PRLR: variants seen among roughly 807,000 people sequenced by gnomAD.
PRLR encodes the protein hPRL receptor.
In PRLR, 13 loss-of-function variants were observed where a neutral mutation model predicts 40.2. The ratio of observed to expected loss-of-function variants is 0.32; its 90% CI spans 0.21 to 0.51. PRLR has a LOEUF of 0.51. Among genes scored for constraint, PRLR ranks in the 20% least tolerant of loss-of-function variants. The pLI is 0.97. For missense variants in PRLR, 656 were observed against 747.3 expected (o/e 0.88, Z 1.42); for synonymous variants, 269 against 278.7 (o/e 0.97, Z 0.35).
chr5:35,153,611 G>A, intron 1 of PRLR, among the ~76,000 whole-genome samples: 1 of 152,198 alleles, frequency 6.6e-6, no homozygotes, highest in Admixed American at 6.6e-5. Flanking sequence ...CACAGCTAGT[G>A]TTGCATTCTA....
intron 1 of PRLR, among the ~76,000 whole-genome samples, chr5:35,129,836 C>T (rs1202271004): frequency 5.3e-5 from 8 of 152,072 alleles, no homozygotes; most frequent in African/African-American, 1.9e-4. Flanking sequence ...ATTCTGCAAA[C>T]ATGCTTTCTC....
chr5:35,228,807 A>T (rs1172987351), intron 1 of PRLR, among the ~76,000 whole-genome samples: 1 of 152,010 alleles, frequency 6.6e-6, no homozygotes, highest in African/African-American at 2.4e-5. Flanking sequence ...AAGGCTGTGG[A>T]TTACTCCCAC....
intron 1 of PRLR, among the ~76,000 whole-genome samples, chr5:35,131,132 A>T (rs981204248): frequency 1.3e-5 from 2 of 152,194 alleles, no homozygotes; most frequent in African/African-American, 2.4e-5. Flanking sequence ...TTTATATGTG[A>T]GTCAGCTGGA....
At chr5:35,164,729 A>G (rs936473713) in intron 1 of PRLR, among the ~76,000 whole-genome samples, 1 of 152,184 alleles carries the variant, frequency 6.6e-6, no homozygotes, top group African/African-American at 2.4e-5. Flanking sequence ...AAATGGAGAG[A>G]GACAATGGAA....
chr5:35,154,389 A>C (rs574128014), intron 1 of PRLR, among the ~76,000 whole-genome samples: 24 of 152,352 alleles, frequency 1.6e-4, no homozygotes, highest in African/African-American at 5.8e-4. Context: ...GTAGTTATTT[A>C]GTATCACACT....
At position 35,096,378 on chromosome 5, in the gene PRLR, G is replaced by A. The variant is rs78290910; in HGVS notation, c.-43-6715C>T. On this transcript the variant is annotated intron_variant, in intron 2 of 9. Coordinates refer to ENST00000618457, the MANE Select transcript of PRLR (RefSeq NM_000949.7). The stretch of plus-strand genomic sequence containing the variant: ...GGCTTAAAGGCAAGAATAGGAATTG[G>A]ATGAGTTTCAATTTCCCCCAGCCAG... Among the ~76,000 whole-genome samples the A allele has an allele frequency of 9.2e-5, 14 of 152,248 alleles. No homozygotes were observed. The East Asian group carries it at 2.7e-3, about 29-fold the overall frequency.
intron 1 of PRLR, among the ~76,000 whole-genome samples, chr5:35,146,749 T>C (rs1405983755): frequency 2.0e-5 from 3 of 152,202 alleles, no homozygotes; most frequent in African/African-American, 7.2e-5. Context: ...CAAATGCTTT[T>C]GCTGGAGTGA....
chr5:35,193,661 A>G (rs930231001), intron 1 of PRLR, among the ~76,000 whole-genome samples: 1 of 152,084 alleles, frequency 6.6e-6, no homozygotes, highest in African/African-American at 2.4e-5. Flanking sequence ...TGTACCCCTT[A>G]GGCTGGGTTC....
intron 1 of PRLR, among the ~76,000 whole-genome samples, chr5:35,179,498 GACA>G (rs1775235870): frequency 6.6e-6 from 1 of 152,200 alleles, no homozygotes; most frequent in Non-Finnish European, 1.5e-5. Context: ...AGCATGGTGG[GACA>G]ACAATAAGCA....
intron 1 of PRLR, among the ~76,000 whole-genome samples, chr5:35,144,522 C>T (rs550906265): frequency 3.9e-5 from 6 of 152,296 alleles, no homozygotes; most frequent in Admixed American, 1.3e-4. Flanking sequence ...GGCACAATCT[C>T]GGCTCACTGC....
intron 1 of PRLR, among the ~76,000 whole-genome samples, chr5:35,213,332 T>C (rs1312998096): frequency 6.6e-6 from 1 of 152,218 alleles, no homozygotes; most frequent in Admixed American, 6.5e-5. Context: ...CAAAGCCACA[T>C]GTAATTTCTA....
At chr5:35,177,983 CTT>C (rs879290085) in intron 1 of PRLR, among the ~76,000 whole-genome samples, 2 of 143,736 alleles carry the variant, frequency 1.4e-5, no homozygotes, top group Non-Finnish European at 3.1e-5. Context: ...TATTGCCTGT[CTT>C]TTTTTTTTTT....
chr5:35,087,268 G>A (rs1336049487), intron 3 of PRLR, among the ~76,000 whole-genome samples: 2 of 152,134 alleles, frequency 1.3e-5, no homozygotes, highest in Non-Finnish European at 2.9e-5. Flanking sequence ...GGGATTAAAG[G>A]CATGAGCTAC....
intron 1 of PRLR, among the ~76,000 whole-genome samples, chr5:35,178,919 A>T (rs1320402073): frequency 6.6e-6 from 1 of 152,172 alleles, no homozygotes; most frequent in Non-Finnish European, 1.5e-5. Context: ...AAGTGTTTGT[A>T]ACCTGGCTAA....
At chr5:35,212,784 T>C (rs1301634161) in intron 1 of PRLR, among the ~76,000 whole-genome samples, 2 of 152,170 alleles carry the variant, frequency 1.3e-5, no homozygotes, top group Non-Finnish European at 2.9e-5. Context: ...TGGGAGGAAG[T>C]CATAGCAGTT....
At chr5:35,200,260 G>T (rs1775844047) in intron 1 of PRLR, among the ~76,000 whole-genome samples, 1 of 152,192 alleles carries the variant, frequency 6.6e-6, no homozygotes, top group African/African-American at 2.4e-5. Flanking sequence ...ATAAATGGCA[G>T]CTCTCCTGAT....
chr5:35,131,380 G>C (rs1415413296), intron 1 of PRLR, among the ~76,000 whole-genome samples: 3 of 152,126 alleles, frequency 2.0e-5, no homozygotes, highest in Non-Finnish European at 2.9e-5. Context: ...AGACACTGGG[G>C]TTTTACTGGG....
At chr5:35,051,231 T>G (rs558146539), downstream of PRLR, among the ~76,000 whole-genome samples, 1 of 152,346 alleles carries the variant, frequency 6.6e-6, no homozygotes, top group East Asian at 1.9e-4. Context: ...ACATCCGTAC[T>G]GCTAACTGCA....
chr5:35,141,188 G>A (rs1457953470), intron 1 of PRLR, among the ~76,000 whole-genome samples: 1 of 151,344 alleles, frequency 6.6e-6, no homozygotes, highest in Non-Finnish European at 1.5e-5. Context: ...CTGTTGTTTG[G>A]CTATTTCATC....
Sources: gnomAD v4.1 joint callset for allele counts (sites outside exome capture counted in the v4.1 genomes callset) on GRCh38, gnomAD v4.1.1 for gene constraint, MANE v1.5 for transcripts, NCBI Gene and HGNC (gene_info 2026-07-23, HGNC 2026-07-21) for gene names.